Variants in TMTC1 observed in about 807,000 individuals in gnomAD.
TMTC1 encodes the protein protein O-mannosyl-transferase TMTC1.
In TMTC1, 73 loss-of-function variants were observed where a neutral mutation model predicts 104.8. The observed-to-expected ratio is 0.70, with a 90% CI of 0.58 to 0.85. The LOEUF is 0.85. TMTC1 is among the 40% of genes least tolerant of loss of function. The pLI, the probability that TMTC1 is intolerant of heterozygous loss-of-function variation, is 0.00. For missense variants in TMTC1, 1,035 were observed against 1,096.1 expected, an observed-to-expected ratio of 0.94 and a Z score of 0.79; for synonymous variants, 434 against 428.7, an observed-to-expected ratio of 1.01 and a Z score of -0.15.
Position 29,633,291 on chromosome 12 carries a change from C to A in TMTC1, c.984G>T (p.Leu328=), listed in dbSNP as rs372745734. 12 of 1,613,548 alleles carry A rather than the reference C, an allele frequency of 7.4e-6. No homozygotes were observed. The African/African-American group carries it at 1.5e-4, about 20-fold the overall frequency. ...CATAGCACAGGGTCACGGGTGCAAGCAGAAGCCACACATTGAAGGCCAAGA... is the reference window on the plus strand; with the variant it reads ...CATAGCACAGGGTCACGGGTGCAAGAAGAAGCCACACATTGAAGGCCAAGA... ...SYLLAFNVWL[L]LAPVTLCYDW... The change falls in exon 6 of 18, where the codon CTG becomes CTT. Residue 328 remains leucine, a synonymous_variant. Coordinates refer to ENST00000539277, the MANE Select transcript of TMTC1 (RefSeq NM_001193451.2).
intron 5 of TMTC1, among the ~76,000 whole-genome samples, chr12:29,726,012 C>G (rs1036545460): frequency 6.6e-6 from 1 of 152,228 alleles, no homozygotes; most frequent in Middle Eastern, 3.2e-3. Flanking sequence ...CCTTTATATA[C>G]AGAGCCACCT....
At chr12:29,625,949 C>T (rs1937967038) in intron 6 of TMTC1, among the ~76,000 whole-genome samples, 1 of 152,134 alleles carries the variant, frequency 6.6e-6, no homozygotes, top group South Asian at 2.1e-4. Context: ...TAAAACAAAC[C>T]TCATATTCAC....
At chr12:29,589,766 GGTAGGCACT>G (rs1210654516) in intron 7 of TMTC1, among the ~76,000 whole-genome samples, 13 of 152,180 alleles carry the variant, frequency 8.5e-5, no homozygotes, top group Non-Finnish European at 1.8e-4. Context: ...CTTCCTGTGC[GGTAGGCACT>G]GTGCTAAGTG....
intron 5 of TMTC1, among the ~76,000 whole-genome samples, chr12:29,650,555 A>G (rs1324188076): frequency 3.3e-5 from 5 of 152,202 alleles, no homozygotes; most frequent in Non-Finnish European, 7.3e-5. Flanking sequence ...CAAAGCATTC[A>G]TCCTTTCAGT....
Position 29,745,944 on chromosome 12 carries a change from A to G in TMTC1, c.938+5722T>C, listed in dbSNP as rs574061289. Among the ~76,000 whole-genome samples the G allele has an allele frequency of 3.3e-5, 5 of 152,304 alleles. No homozygotes were observed. In the South Asian group the frequency reaches 1.0e-3, roughly 32 times the overall value. Reference sequence around the variant, plus strand: ...AAGACTTAACTATGCATGCCATTGAAGAGAGAATTCCATAGTGAAATGTGG... The same window carrying G: ...AAGACTTAACTATGCATGCCATTGAGGAGAGAATTCCATAGTGAAATGTGG... On this transcript the variant is annotated intron_variant, in intron 5 of 17. Coordinates refer to ENST00000539277, the MANE Select transcript of TMTC1 (RefSeq NM_001193451.2).
intron 5 of TMTC1, among the ~76,000 whole-genome samples, chr12:29,712,960 G>T (rs938660391): frequency 3.3e-5 from 5 of 152,124 alleles, no homozygotes; most frequent in African/African-American, 1.2e-4. Flanking sequence ...CACCAGGCTA[G>T]ACGTTGCTAT....
At chr12:29,555,039 G>A (rs1001882908) in intron 10 of TMTC1, among the ~76,000 whole-genome samples, 1 of 151,104 alleles carries the variant, frequency 6.6e-6, no homozygotes, top group Non-Finnish European at 1.5e-5. Context: ...CAATTTATCA[G>A]CTCTAAAATT....
rs531909246 is a variant in TMTC1, at chr12:29,576,524, C to T, written c.1419-4306G>A. Among the ~76,000 whole-genome samples, 13 of 152,082 alleles carry T rather than the reference C, an allele frequency of 8.5e-5. No homozygotes were observed. In the East Asian group the frequency reaches 1.7e-3, roughly 20 times the overall value. Reference sequence around the variant, plus strand: ...GGACACTATGCTAAGTAAAGCCAGACGCAGAAAGAAAAATACTGCATGATC... The same window carrying T: ...GGACACTATGCTAAGTAAAGCCAGATGCAGAAAGAAAAATACTGCATGATC... On this transcript the variant is annotated intron_variant, in intron 8 of 17. Coordinates refer to ENST00000539277, the MANE Select transcript of TMTC1 (RefSeq NM_001193451.2).
intron 5 of TMTC1, among the ~76,000 whole-genome samples, chr12:29,670,938 A>AAAAAAAAAAAAAAAG (rs1253131640): frequency 5.8e-5 from 7 of 121,580 alleles, no homozygotes; most frequent in East Asian, 4.7e-4. Context: ...CTGTCTCAAA[A>AAAAAAAAAAAAAAAG]AAAAAGAAAA....
chr12:29,507,015 A>G (rs780223550), intron 17 of TMTC1, 29 bp from the exon 18 acceptor site: 1 of 1,599,550 alleles, frequency 6.3e-7, no homozygotes, highest in Admixed American at 1.7e-5. Flanking sequence ...GAGCAATTAC[A>G]TTCTGATCCA....
chr12:29,569,361 G>C (rs1329564988), intron 9 of TMTC1, among the ~76,000 whole-genome samples: 1 of 152,182 alleles, frequency 6.6e-6, no homozygotes, highest in Non-Finnish European at 1.5e-5. Flanking sequence ...CATTGCCTTT[G>C]AGATCTATTC....
intron 12 of TMTC1, 116 bp from the exon 13 acceptor site, chr12:29,518,723 A>G: frequency 7.8e-7 from 1 of 1,279,168 alleles, no homozygotes; most frequent in Non-Finnish European, 1.1e-6. Flanking sequence ...TTATACCAAA[A>G]TTATTCAATA....
At chr12:29,637,328 T>A (rs1224111271) in intron 5 of TMTC1, among the ~76,000 whole-genome samples, 2 of 152,222 alleles carry the variant, frequency 1.3e-5, no homozygotes, top group African/African-American at 4.8e-5. Context: ...AAATAATCTG[T>A]CAAATATCTC....
Position 29,755,878 on chromosome 12 carries a change from C to A in TMTC1, c.562G>T (p.Asp188Tyr), listed in dbSNP as rs1943204750. The A allele has an allele frequency of 6.2e-7, 1 of 1,612,966 alleles. No homozygotes were observed. Among genetic ancestry groups the A allele is most frequent in the Non-Finnish European group, 8.5e-7 (1 of 1,179,732 alleles). The stretch of plus-strand genomic sequence containing the variant: ...AAACTTCCCCCAACACAGCCCTGAT[C>A]CAGACTCCTGAAAAACAAGTTGGAG... ...LAFLSYNRSL[D>Y]QGCVGGSFPS... The change falls in exon 4 of 18, where the codon GAT becomes TAT. Residue 188 changes from aspartate to tyrosine, a missense_variant. Transcript: ENST00000539277.
At chr12:29,742,803 C>T (rs1942860959) in intron 5 of TMTC1, among the ~76,000 whole-genome samples, 1 of 152,096 alleles carries the variant, frequency 6.6e-6, no homozygotes, top group Non-Finnish European at 1.5e-5. Flanking sequence ...GATGGACTGG[C>T]CATCATTGCT....
chr12:29,570,748 G>A (rs1369668328), intron 9 of TMTC1, among the ~76,000 whole-genome samples: 2 of 152,124 alleles, frequency 1.3e-5, no homozygotes, highest in Non-Finnish European at 2.9e-5. Context: ...GGAGGCTGAG[G>A]CAGGAGAATC....
At chr12:29,530,411 A>G (rs747975284) in intron 11 of TMTC1, among the ~76,000 whole-genome samples, 14 of 152,194 alleles carry the variant, frequency 9.2e-5, no homozygotes, top group Non-Finnish European at 1.6e-4. Context: ...GCAACTGACC[A>G]GCATTTCTTC....
chr12:29,595,652 G>A (rs1269317766), intron 7 of TMTC1, among the ~76,000 whole-genome samples: 1 of 152,216 alleles, frequency 6.6e-6, no homozygotes, highest in African/African-American at 2.4e-5. Flanking sequence ...AGGGCTGGAT[G>A]GAGCAGTTCA....
intron 1 of TMTC1, among the ~76,000 whole-genome samples, chr12:29,770,205 A>C (rs1943564876): frequency 6.6e-6 from 1 of 152,202 alleles, no homozygotes; most frequent in Non-Finnish European, 1.5e-5. Flanking sequence ...AAAAACTGAA[A>C]AGCATCATTA....
Sources: gnomAD v4.1 joint callset for allele counts (sites outside exome capture counted in the v4.1 genomes callset) on GRCh38, gnomAD v4.1.1 for gene constraint, MANE v1.5 for transcripts, NCBI Gene and HGNC (gene_info 2026-07-23, HGNC 2026-07-21) for gene names.